Variants in ZNF423 observed in about 807,000 individuals in gnomAD.
ZNF423 encodes Ebf-associated zinc finger protein.
ZNF423 carries 12 observed loss-of-function variants against 95.8 expected under a neutral mutation model. That is an observed-to-expected ratio of 0.13 (90% CI 0.08 to 0.20). The LOEUF is 0.20. Among genes scored for constraint, ZNF423 ranks in the 10% least tolerant of loss-of-function variants. ZNF423 has a pLI of 1.00. For synonymous variants in ZNF423, 749 were observed against 711.9 expected, an observed-to-expected ratio of 1.05 and a Z score of -0.83; for missense variants, 1,316 against 1,737.1, an observed-to-expected ratio of 0.76 and a Z score of 4.31.
intron 3 of ZNF423, among the ~76,000 whole-genome samples, chr16:49,721,265 A>G (rs1038145626): frequency 6.6e-6 from 1 of 152,194 alleles, no homozygotes; most frequent in Non-Finnish European, 1.5e-5. Context: ...GGCAGCCAAA[A>G]GGATCACAGC....
intron 1 of ZNF423, among the ~76,000 whole-genome samples, chr16:49,823,093 T>C (rs1325007674): frequency 6.6e-6 from 1 of 152,186 alleles, no homozygotes; most frequent in African/African-American, 2.4e-5. Flanking sequence ...ACAAGGCCTG[T>C]GATCGACCTT....
At chr16:49,783,012 C>CA (rs1261856768) in intron 2 of ZNF423, among the ~76,000 whole-genome samples, 2 of 151,090 alleles carry the variant, frequency 1.3e-5, no homozygotes, top group African/African-American at 4.9e-5. Flanking sequence ...AGATCAAACT[C>CA]AGTCACAGGG....
chr16:49,529,860 C>T (rs1482725417), intron 5 of ZNF423, among the ~76,000 whole-genome samples: 1 of 152,128 alleles, frequency 6.6e-6, no homozygotes, highest in Non-Finnish European at 1.5e-5. Context: ...TGACCTGCTC[C>T]AGCCACAACG....
At chr16:49,493,142 A>G (rs1967040426) in intron 7 of ZNF423, among the ~76,000 whole-genome samples, 1 of 152,098 alleles carries the variant, frequency 6.6e-6, no homozygotes, top group African/African-American at 2.4e-5. Flanking sequence ...GTACTTGTGC[A>G]GGGACAGCCA....
At chr16:49,752,899 C>T (rs7205979) in intron 2 of ZNF423, among the ~76,000 whole-genome samples, 108 of 152,328 alleles carry the variant, frequency 7.1e-4, no homozygotes, top group African/African-American at 2.3e-3. Flanking sequence ...GGGCTGGGAA[C>T]ACAGCAGTCA....
chr16:49,760,320 T>A (rs907033869), intron 2 of ZNF423, among the ~76,000 whole-genome samples: 2 of 2,932 alleles, frequency 6.8e-4, no homozygotes, highest in East Asian at 0.024. Flanking sequence ...GATGGGTGGG[T>A]GGGTGGGGTG....
intron 2 of ZNF423, among the ~76,000 whole-genome samples, chr16:49,777,168 A>C (rs2034135268): frequency 6.6e-6 from 1 of 152,214 alleles, no homozygotes; most frequent in South Asian, 2.1e-4. Context: ...CTGTGCGTAC[A>C]TATGTGTGTA....
At chr16:49,560,216 C>T (rs562544764) in intron 5 of ZNF423, among the ~76,000 whole-genome samples, 41 of 152,170 alleles carry the variant, frequency 2.7e-4, no homozygotes, top group Non-Finnish European at 5.1e-4. Context: ...CTCCTTCCCA[C>T]CCCCAGAGTC....
chr16:49,754,610 G>A (rs1203742404), intron 2 of ZNF423, among the ~76,000 whole-genome samples: 2 of 152,210 alleles, frequency 1.3e-5, no homozygotes. Context: ...AGGGATGGAG[G>A]GGCAGCTCGG....
intron 1 of ZNF423, among the ~76,000 whole-genome samples, chr16:49,790,787 T>C (rs1278846763): frequency 6.6e-6 from 1 of 152,158 alleles, no homozygotes; most frequent in Non-Finnish European, 1.5e-5. Context: ...TTTTCCCACT[T>C]CAAAAATGGA....
At chr16:49,786,581 T>C (rs1253400323) in intron 2 of ZNF423, among the ~76,000 whole-genome samples, 2 of 152,198 alleles carry the variant, frequency 1.3e-5, no homozygotes, top group Admixed American at 6.5e-5. Context: ...CAGGCCTGTC[T>C]TGCCAGGGAC....
chr16:49,638,280 T>C lies in ZNF423; in HGVS notation c.896A>G (p.Glu299Gly), dbSNP rs1265756381. 3 of 1,613,536 alleles carry C rather than the reference T, an allele frequency of 1.9e-6. No homozygotes were observed. Among genetic ancestry groups the C allele is most frequent in the South Asian group, 1.1e-5 (1 of 91,076 alleles). Reference protein sequence around the residue: ...HVLTRHPQLSEKADLQCIHCP... With the variant: ...HVLTRHPQLSGKADLQCIHCP... The stretch of plus-strand genomic sequence containing the variant: ...GTGAATGCACTGCAGGTCCGCCTTC[T>C]CGGACAGCTGCGGGTGGCGGGTGAG... Residue 299 changes from glutamate to glycine, a missense_variant, in exon 4 of 8, where the codon GAG becomes GGG. By Grantham distance (98) the Glu-to-Gly change is moderately conservative. Transcript: ENST00000563137. The surrounding 1 kb of genome is among the most constrained non-coding windows in gnomAD (Gnocchi z 5.6).
chr16:49,524,959 G>A (rs943319263), intron 6 of ZNF423, among the ~76,000 whole-genome samples: 2 of 152,216 alleles, frequency 1.3e-5, no homozygotes, highest in African/African-American at 2.4e-5. Context: ...CCAGGGAAGG[G>A]GGAACCAGGA....
intron 3 of ZNF423, among the ~76,000 whole-genome samples, chr16:49,650,065 C>G (rs188309891): frequency 6.6e-6 from 1 of 152,364 alleles, no homozygotes; most frequent in East Asian, 1.9e-4. Flanking sequence ...GGTCACTGGA[C>G]ATCTCAAAGA....
intron 2 of ZNF423, among the ~76,000 whole-genome samples, chr16:49,735,235 T>A (rs2033257375): frequency 6.6e-6 from 1 of 152,100 alleles, no homozygotes. Flanking sequence ...GGCTTCCCAC[T>A]CCTGATCTCC....
At chr16:49,722,970 T>C (rs1335111240) in intron 3 of ZNF423, among the ~76,000 whole-genome samples, 1 of 150,960 alleles carries the variant, frequency 6.6e-6, no homozygotes, top group African/African-American at 2.4e-5. Context: ...TTTTTTTTTT[T>C]TTTGAGACTG....
rs181686345 is a variant in ZNF423 at position 49,665,708 on chromosome 16, C to A, written c.302-26834G>T. 2.6e-3 allele frequency among the ~76,000 whole-genome samples: 400 copies of A among 152,288 alleles called. 4 individuals are homozygous for A. Among genetic ancestry groups the A allele is most frequent in the African/African-American group, 9.1e-3 (377 of 41,566 alleles). The stretch of plus-strand genomic sequence containing the variant: ...CAGCTCACAGACTCGGGGAGCCCCC[C>A]ATCAGCACCTCTGGAGGCCAATCCC... On this transcript the variant is annotated intron_variant, in intron 3 of 7. Coordinates refer to ENST00000563137, the MANE Select transcript of ZNF423 (RefSeq NM_001379286.1).
intron 3 of ZNF423, among the ~76,000 whole-genome samples, chr16:49,712,270 A>G (rs2032567151): frequency 1.3e-5 from 2 of 152,256 alleles, no homozygotes; most frequent in Non-Finnish European, 2.9e-5. Flanking sequence ...CATTGGTCAC[A>G]GAAGGAACGG....
intron 1 of ZNF423, among the ~76,000 whole-genome samples, chr16:49,815,914 A>ATATATATATTTTT (rs1445194160): frequency 3.4e-5 from 1 of 29,798 alleles, no homozygotes; most frequent in Non-Finnish European, 5.7e-5. Context: ...ATATATATAT[A>ATATATATATTTTT]TTTTTTTTTT....
Sources: gnomAD v4.1 joint callset for allele counts (sites outside exome capture counted in the v4.1 genomes callset) on GRCh38, gnomAD v4.1.1 for gene constraint, Gnocchi (gnomAD v3.1) non-coding constraint, MANE v1.5 for transcripts, NCBI Gene and HGNC (gene_info 2026-07-23, HGNC 2026-07-21) for gene names.